TBC1D22A: variants seen among roughly 807,000 people sequenced by gnomAD.
The protein encoded by TBC1D22A is TBC1 domain family member 22A.
A neutral mutation model predicts 60.2 loss-of-function variants in TBC1D22A; 38 were observed. That is an observed-to-expected ratio of 0.63 (90% CI 0.49 to 0.83). The LOEUF (loss-of-function observed/expected upper bound fraction) is 0.83, where lower values mean the gene tolerates loss of function less well. TBC1D22A is among the 40% of genes least tolerant of loss of function. The pLI, the probability that TBC1D22A is intolerant of heterozygous loss-of-function variation, is 0.00. For synonymous variants in TBC1D22A, 302 were observed against 281.7 expected, an observed-to-expected ratio of 1.07 and a Z score of -0.72; for missense variants, 628 against 701.0, an observed-to-expected ratio of 0.90 and a Z score of 1.18.
chr22:46,917,799 G>A (rs2070477086), intron 8 of TBC1D22A, among the ~76,000 whole-genome samples: 1 of 152,142 alleles, frequency 6.6e-6, no homozygotes, highest in African/African-American at 2.4e-5. Context: ...TGTGTCAGGG[G>A]TCTCCGAGCT....
At chr22:46,911,988 G>T in intron 7 of TBC1D22A, 86 bp from the exon 8 acceptor site, 1 of 832,478 alleles carries the variant, frequency 1.2e-6, no homozygotes, top group Non-Finnish European at 2.0e-6. Context: ...AAAATACAGT[G>T]TACATTTTAA....
chr22:46,871,746 C>T (rs563480026), intron 4 of TBC1D22A, among the ~76,000 whole-genome samples: 56 of 152,206 alleles, frequency 3.7e-4, no homozygotes, highest in African/African-American at 1.3e-3. Context: ...ATAAAGGTTT[C>T]CAATCCATAT....
At chr22:47,134,488 G>T (rs1038069889) in intron 12 of TBC1D22A, among the ~76,000 whole-genome samples, 3 of 152,254 alleles carry the variant, frequency 2.0e-5, no homozygotes, top group African/African-American at 7.2e-5. Context: ...CTCACTCAGG[G>T]CTGGATCAGC....
intron 4 of TBC1D22A, among the ~76,000 whole-genome samples, chr22:46,852,488 C>G (rs778954373): frequency 6.6e-6 from 1 of 152,162 alleles, no homozygotes; most frequent in Non-Finnish European, 1.5e-5. Flanking sequence ...TATTTGGGAT[C>G]CTGATAACGT....
chr22:46,927,945 G>A (rs766643756), intron 8 of TBC1D22A, among the ~76,000 whole-genome samples: 11 of 152,124 alleles, frequency 7.2e-5, no homozygotes, highest in Non-Finnish European at 1.3e-4. Context: ...AAATGGAAAG[G>A]CATCCCATGT....
rs190541182 is a variant in TBC1D22A at position 46,961,453 on chromosome 22, C to T, written c.1016-12837C>T. ...TTCACGTTACATTTAGCTTTTCAAG[C>T]GACTCCAGACATTTCTGAGACCATC... On this transcript the variant is annotated intron_variant, in intron 8 of 12. Transcript: ENST00000337137. Among the ~76,000 whole-genome samples, 60 of 152,302 alleles carry T rather than the reference C, an allele frequency of 3.9e-4. No homozygotes were observed. The South Asian group carries it at 4.3e-3, about 11-fold the overall frequency.
At chr22:46,789,171 G>A (rs1221540496) in intron 1 of TBC1D22A, 1 of 152,642 alleles carries the variant, frequency 6.6e-6, no homozygotes, top group Non-Finnish European at 1.4e-5. Flanking sequence ...TGTCGCCTAG[G>A]CTGGAGTGCA....
intron 1 of TBC1D22A, among the ~76,000 whole-genome samples, chr22:46,775,726 C>T (rs1473650212): frequency 6.6e-6 from 1 of 152,236 alleles, no homozygotes; most frequent in African/African-American, 2.4e-5. Context: ...CCTGCCTCAG[C>T]CGTCATGCTT....
intron 11 of TBC1D22A, among the ~76,000 whole-genome samples, chr22:47,042,432 A>G (rs201345135): frequency 4.7e-5 from 1 of 21,488 alleles, no homozygotes; most frequent in African/African-American, 4.2e-4. Context: ...AAGAGAGAGG[A>G]GAGAGAGAGA....
At chr22:46,987,488 T>C (rs1207604577) in intron 9 of TBC1D22A, among the ~76,000 whole-genome samples, 1 of 152,200 alleles carries the variant, frequency 6.6e-6, no homozygotes, top group Non-Finnish European at 1.5e-5. Flanking sequence ...AGATATTGCA[T>C]GTTTGATTCC....
intron 8 of TBC1D22A, among the ~76,000 whole-genome samples, chr22:46,969,610 C>T (rs993674976): frequency 4.6e-5 from 7 of 152,310 alleles, no homozygotes; most frequent in African/African-American, 1.7e-4. Flanking sequence ...TTGTTGTGGT[C>T]CACTTGGGCC....
chr22:46,889,026 A>G (rs910471950), intron 5 of TBC1D22A, among the ~76,000 whole-genome samples: 1 of 152,218 alleles, frequency 6.6e-6, no homozygotes, highest in Non-Finnish European at 1.5e-5. Flanking sequence ...AAAATAAGAT[A>G]CAGGAACACT....
chr22:47,154,225 C>A (rs1312941820), intron 12 of TBC1D22A, among the ~76,000 whole-genome samples: 3 of 152,182 alleles, frequency 2.0e-5, no homozygotes, highest in African/African-American at 7.2e-5. Context: ...TCACCCTCCC[C>A]TCCAGCCCAC....
chr22:47,042,224 C>T (rs982108098), intron 11 of TBC1D22A, among the ~76,000 whole-genome samples: 10 of 152,210 alleles, frequency 6.6e-5, no homozygotes, highest in South Asian at 2.1e-4. Flanking sequence ...AGGCACCGTG[C>T]GAATGGGGTT....
intron 11 of TBC1D22A, among the ~76,000 whole-genome samples, chr22:47,097,365 C>T (rs923304582): frequency 9.2e-5 from 14 of 152,172 alleles, no homozygotes; most frequent in African/African-American, 3.4e-4. Context: ...CCTGTAATCC[C>T]AGCATTTTGG....
intron 12 of TBC1D22A, among the ~76,000 whole-genome samples, chr22:47,124,263 T>C (rs1428472646): frequency 6.6e-6 from 1 of 152,094 alleles, no homozygotes; most frequent in Non-Finnish European, 1.5e-5. Context: ...GGGGTGGTGA[T>C]GTGCAGGGTT....
chr22:47,111,752 G>C (rs1031160157), intron 12 of TBC1D22A, 149 bp downstream of exon 12: 7 of 698,630 alleles, frequency 1.0e-5, no homozygotes, highest in South Asian at 9.3e-5. Flanking sequence ...TTGAAAGCTC[G>C]TCCAGCTGAG....
intron 7 of TBC1D22A, among the ~76,000 whole-genome samples, chr22:46,910,274 G>T (rs773798455): frequency 2.6e-5 from 4 of 152,092 alleles, no homozygotes; most frequent in Non-Finnish European, 4.4e-5. Flanking sequence ...TTTAGGGCTG[G>T]TCATGCCACT....
At chr22:47,162,413 G>C (rs5005654) in intron 12 of TBC1D22A, among the ~76,000 whole-genome samples, 1 of 151,566 alleles carries the variant, frequency 6.6e-6, no homozygotes, top group Non-Finnish European at 1.5e-5. Flanking sequence ...ATGGCGTGTG[G>C]TGTGAGGGGA....
Sources: gnomAD v4.1 joint callset for allele counts (sites outside exome capture counted in the v4.1 genomes callset) on GRCh38, gnomAD v4.1.1 for gene constraint, MANE v1.5 for transcripts, NCBI Gene and HGNC (gene_info 2026-07-23, HGNC 2026-07-21) for gene names.